Variants in PSD3 observed in about 807,000 individuals in gnomAD.
PSD3 encodes PH and SEC7 domain-containing protein 3.
A neutral mutation model predicts 105.5 loss-of-function variants in PSD3; 49 were observed. The ratio of observed to expected loss-of-function variants is 0.46; its 90% CI spans 0.37 to 0.59. The LOEUF is 0.59. Ranked by LOEUF, PSD3 falls within the 20% of genes least tolerant of loss-of-function variation. The probability of loss-of-function intolerance (pLI) is 0.00; values close to 1 mark genes in which losing one functional copy is unlikely to be tolerated. For missense variants in PSD3, 1,561 were observed against 1,263.8 expected (o/e 1.24, Z -3.57); for synonymous variants, 557 against 457.8 (o/e 1.22, Z -2.77).
At chr8:18,655,078 C>G (rs992824561) in intron 10 of PSD3, among the ~76,000 whole-genome samples, 15 of 151,966 alleles carry the variant, frequency 9.9e-5, no homozygotes, top group African/African-American at 3.6e-4. Flanking sequence ...AATCCCAGAA[C>G]TTTGGGAGGC....
intron 8 of PSD3, among the ~76,000 whole-genome samples, chr8:18,779,413 T>G (rs1808402342): frequency 2.6e-5 from 4 of 152,048 alleles, no homozygotes; most frequent in Admixed American, 2.0e-4. Context: ...TTCATTTCAC[T>G]GATCCTCTGT....
intron 5 of PSD3, 47 bp downstream of exon 5, chr8:18,804,657 C>T (rs1811037586): frequency 1.2e-6 from 2 of 1,611,632 alleles, no homozygotes; most frequent in Non-Finnish European, 8.5e-7. Flanking sequence ...TTAAAACACA[C>T]ACAAAACAGG....
intron 11 of PSD3, among the ~76,000 whole-genome samples, chr8:18,605,262 C>G (rs997349324): frequency 1.1e-4 from 17 of 152,274 alleles, no homozygotes; most frequent in African/African-American, 3.9e-4. Context: ...GGAGCCTACC[C>G]CTCATACCAG....
intron 9 of PSD3, among the ~76,000 whole-genome samples, chr8:18,722,827 G>A (rs1341998136): frequency 6.6e-6 from 1 of 152,140 alleles, no homozygotes; most frequent in Admixed American, 6.6e-5. Context: ...CTCCCAAGGA[G>A]CATTACTGGA....
intron 9 of PSD3, among the ~76,000 whole-genome samples, chr8:18,711,366 C>T (rs1802242231): frequency 1.3e-5 from 2 of 152,212 alleles, no homozygotes; most frequent in East Asian, 1.9e-4. Flanking sequence ...GAGTCAAAAC[C>T]CATTGCTGTG....
At chr8:18,600,224 C>T (rs764510711) in intron 12 of PSD3, 140 bp downstream of exon 12, 4 of 746,122 alleles carry the variant, frequency 5.4e-6, no homozygotes, top group African/African-American at 1.8e-5. Flanking sequence ...TGGAATTCTC[C>T]GCTGAAAATT....
intron 2 of PSD3, among the ~76,000 whole-genome samples, chr8:18,873,071 A>T (rs17127379): frequency 6.6e-6 from 1 of 152,176 alleles, no homozygotes; most frequent in Admixed American, 6.5e-5. Flanking sequence ...ATATGTACCA[A>T]CTTCCAAATA....
At chr8:18,600,509 G>C in intron 11 of PSD3, 75 bp from the exon 12 acceptor site, 3 of 1,217,452 alleles carry the variant, frequency 2.5e-6, no homozygotes, top group South Asian at 1.3e-5. Flanking sequence ...GATCAACATG[G>C]TGACAGTGTT....
rs564863602 is a variant in PSD3 at position 18,952,189 on chromosome 8, C to T, written c.22-16047G>A. ...AATTTCATAGTTTTAAAGACGTCTA[C>T]ATCCTACTCCTCCCCTACCCACATG... On this transcript the variant is annotated intron_variant, in intron 1 of 15. Transcript: ENST00000327040. Among the ~76,000 whole-genome samples, 51 of 152,286 alleles carry T rather than the reference C, an allele frequency of 3.3e-4. No homozygotes were observed. In the South Asian group the frequency reaches 4.1e-3, roughly 12 times the overall value.
chr8:19,056,902 T>C (rs1828725510), intron 1 of PSD3, among the ~76,000 whole-genome samples: 1 of 152,196 alleles, frequency 6.6e-6, no homozygotes, highest in South Asian at 2.1e-4. Context: ...AAATTCCCTC[T>C]AATCTCCCAA....
chr8:18,719,469 C>A (rs1266678448), intron 9 of PSD3, among the ~76,000 whole-genome samples: 2 of 152,142 alleles, frequency 1.3e-5, no homozygotes, highest in Non-Finnish European at 2.9e-5. Context: ...TTATTATGTG[C>A]TACTAGTCAT....
At chr8:18,693,956 T>C (rs930572750) in intron 9 of PSD3, among the ~76,000 whole-genome samples, 18 of 152,258 alleles carry the variant, frequency 1.2e-4, no homozygotes, top group African/African-American at 4.3e-4. Context: ...TGGCATCTGA[T>C]AGGTAAGTAG....
chr8:18,580,821 A>C (rs1802767102), intron 12 of PSD3, among the ~76,000 whole-genome samples: 1 of 152,198 alleles, frequency 6.6e-6, no homozygotes, highest in Admixed American at 6.5e-5. Context: ...GATTCTTGAG[A>C]GCCTGATCTG....
intron 1 of PSD3, among the ~76,000 whole-genome samples, chr8:19,065,841 T>A (rs1829057082): frequency 6.6e-6 from 1 of 152,052 alleles, no homozygotes; most frequent in South Asian, 2.1e-4. Flanking sequence ...CCCTCTCCCA[T>A]CCCCAGAGGC....
At chr8:18,558,719 G>T (rs911517717) in intron 14 of PSD3, among the ~76,000 whole-genome samples, 6 of 152,134 alleles carry the variant, frequency 3.9e-5, no homozygotes, top group African/African-American at 1.4e-4. Context: ...GACTCAGGAG[G>T]CTGAGGCAGG....
In PSD3 at chr8:18,836,713, T is replaced by C. The variant is rs1447179317; in HGVS notation, c.1634+30961A>G. ...ACCGTCTGGTACACTTTAAATCATC[T>C]CTAGATTACTGATAATACTGAATAC... On this transcript the variant is annotated intron_variant, in intron 4 of 15. Coordinates refer to ENST00000327040, the MANE Select transcript of PSD3 (RefSeq NM_015310.4). 7.9e-5 allele frequency among the ~76,000 whole-genome samples: 12 copies of C among 152,090 alleles called. 1 individual carries two copies. Among genetic ancestry groups the C allele is most frequent in the Non-Finnish European group, 1.8e-4 (12 of 68,012 alleles).
chr8:18,986,826 G>C (rs1490783907), intron 1 of PSD3, among the ~76,000 whole-genome samples: 1 of 152,146 alleles, frequency 6.6e-6, no homozygotes, highest in Non-Finnish European at 1.5e-5. Context: ...GGGCAGATAA[G>C]GAACTTCTTC....
At chr8:18,568,144 C>T (rs1052002407) in intron 14 of PSD3, among the ~76,000 whole-genome samples, 9 of 152,088 alleles carry the variant, frequency 5.9e-5, no homozygotes, top group African/African-American at 1.4e-4. Context: ...CCTGCAGAAC[C>T]GTGAGCCAAA....
chr8:18,796,784 G>A (rs1027394560), intron 8 of PSD3, among the ~76,000 whole-genome samples: 6 of 151,932 alleles, frequency 3.9e-5, no homozygotes, highest in African/African-American at 9.7e-5. Context: ...ATGACACAAC[G>A]GTAAGGAAAA....
Sources: allele counts gnomAD v4.1 joint callset (sites outside exome capture counted in the v4.1 genomes callset), GRCh38; gene constraint gnomAD v4.1.1; transcripts MANE v1.5; gene names NCBI Gene and HGNC (gene_info 2026-07-23, HGNC 2026-07-21).